GRIN2A: variants seen among roughly 807,000 people sequenced by gnomAD.
GRIN2A encodes glutamate ionotropic receptor NMDA type subunit 2A, also known as glutamate receptor ionotropic, NMDA 2A.
In GRIN2A, 22 loss-of-function variants were observed where a neutral mutation model predicts 113.4. The ratio of observed to expected loss-of-function variants is 0.19; its 90% CI spans 0.14 to 0.28. GRIN2A has a LOEUF of 0.28. Ranked by LOEUF, GRIN2A falls within the 10% of genes least tolerant of loss-of-function variation. The pLI is 1.00. For synonymous variants in GRIN2A, 827 were observed against 738.4 expected, an observed-to-expected ratio of 1.12 and a Z score of -1.94; for missense variants, 1,502 against 1,887.0, an observed-to-expected ratio of 0.80 and a Z score of 3.78.
At chr16:9,779,454 C>G (rs1321695096) in intron 11 of GRIN2A, among the ~76,000 whole-genome samples, 1 of 151,870 alleles carries the variant, frequency 6.6e-6, no homozygotes, top group Non-Finnish European at 1.5e-5. Flanking sequence ...GCTTAGTATA[C>G]ACAAGGAGCT....
At chr16:9,981,027 T>C (rs574162683) in intron 2 of GRIN2A, among the ~76,000 whole-genome samples, 211 of 147,114 alleles carry the variant, frequency 1.4e-3, no homozygotes, top group African/African-American at 4.0e-3. Context: ...TAAAATATTA[T>C]ATTAGGAAAA....
In GRIN2A at chr16:9,755,800, G is replaced by A. The variant is rs191366035; in HGVS notation, c.*7349C>T. The A allele has an allele frequency of 2.7e-3, 557 of 202,582 alleles. 4 individuals are homozygous for A. The highest frequency in any genetic ancestry group is 7.7e-3 in the South Asian group (40 of 5,202). The allele number at this position is 202,582 out of a possible 1,614,324, so 12.5% of individuals were successfully genotyped here. On this transcript the variant is annotated 3_prime_UTR_variant, in exon 13 of 13. Coordinates refer to ENST00000330684, the MANE Select transcript of GRIN2A (RefSeq NM_001134407.3). ...CACTCTTCAGTGGGACAGAATAACC[G>A]TCATTATCCTAATGCTAAGTGAGCC...
chr16:9,829,489 G>A lies in GRIN2A; in HGVS notation c.1941C>T (p.Ala647=). Residue 647 remains alanine (A), a synonymous_variant, in exon 9 of 13, where the codon GCC becomes GCT. Transcript: ENST00000330684. ...FAVIFLASYT[A]NLAAFMIQEE... ...CTTGGATCATGAAGGCAGCCAGATT[G>A]GCTGTGTAGCTAGCCAGGAATATGA... 6.2e-7 allele frequency: 1 copy of A among 1,614,016 alleles called. No individual in the cohort carries two copies. The highest frequency in any genetic ancestry group is 1.1e-5 in the South Asian group (1 of 91,080).
At chr16:10,028,643 G>T (rs1226056632) in intron 2 of GRIN2A, among the ~76,000 whole-genome samples, 1 of 152,164 alleles carries the variant, frequency 6.6e-6, no homozygotes, top group African/African-American at 2.4e-5. Flanking sequence ...GCTGACCCCA[G>T]GAATACCCAC....
Position 9,827,869 on chromosome 16 carries a change from C to T in GRIN2A, c.2007+1554G>A, listed in dbSNP as rs140045760. On this transcript the variant is annotated intron_variant, in intron 9 of 12. Coordinates refer to ENST00000330684, the MANE Select transcript of GRIN2A (RefSeq NM_001134407.3). The stretch of plus-strand genomic sequence containing the variant: ...CTATCAAAACTACATCCCTGAGGGC[C>T]TCTTCCCCCAGACAATTTTAGTCTC... Among the ~76,000 whole-genome samples, 377 of 152,334 alleles carry T rather than the reference C, an allele frequency of 2.5e-3. 2 individuals carry two copies. The highest frequency in any genetic ancestry group is 8.5e-3 in the African/African-American group (354 of 41,574).
intron 2 of GRIN2A, among the ~76,000 whole-genome samples, chr16:10,114,944 G>C (rs1191279789): frequency 6.6e-6 from 1 of 152,176 alleles, no homozygotes; most frequent in Non-Finnish European, 1.5e-5. Flanking sequence ...GTTTCTTCCT[G>C]AAAACATGGA....
intron 2 of GRIN2A, among the ~76,000 whole-genome samples, chr16:10,068,001 T>C (rs2047681638): frequency 6.6e-6 from 1 of 152,158 alleles, no homozygotes; most frequent in African/African-American, 2.4e-5. Flanking sequence ...TTAATTAAAC[T>C]CTCTAGGCTA....
intron 3 of GRIN2A, among the ~76,000 whole-genome samples, chr16:9,900,344 T>C (rs949715942): frequency 3.9e-5 from 6 of 152,186 alleles, no homozygotes; most frequent in Admixed American, 2.0e-4. Context: ...GAAGCTTCTA[T>C]GGTGCAAAGC....
intron 2 of GRIN2A, among the ~76,000 whole-genome samples, chr16:10,141,275 G>C (rs1368065142): frequency 1.3e-5 from 2 of 151,872 alleles, no homozygotes; most frequent in Admixed American, 6.6e-5. Context: ...CGGATCATGA[G>C]GTCAGGAGTT....
chr16:10,174,764 C>T (rs999586743), intron 2 of GRIN2A, among the ~76,000 whole-genome samples: 2 of 150,616 alleles, frequency 1.3e-5, no homozygotes, highest in African/African-American at 2.5e-5. Context: ...ATAGACCAGA[C>T]ACAAATGAAA....
chr16:10,149,352 T>C (rs2049516619), intron 2 of GRIN2A, among the ~76,000 whole-genome samples: 1 of 152,214 alleles, frequency 6.6e-6, no homozygotes, highest in Non-Finnish European at 1.5e-5. Flanking sequence ...TATATACACC[T>C]ACTATGTATG....
rs1308662958 is a variant in GRIN2A, at chr16:10,182,128, T to A, written c.-270A>T. The A allele has an allele frequency of 1.3e-5, 2 of 149,798 alleles. No individual in the cohort carries two copies. The highest frequency in any genetic ancestry group is 3.0e-5 in the Non-Finnish European group (2 of 67,512). The allele number at this position is 149,798 out of a possible 1,614,324, so 9.3% of individuals were successfully genotyped here. A position where few individuals can be genotyped will look rare whatever the true frequency, so the allele number is the denominator to read the frequency against. The stretch of plus-strand genomic sequence containing the variant: ...AGCCCACCAACGAGGGGAGGGAGGG[T>A]TGAGGGGAAGGCTGCAGTCTGCAGT... On this transcript the variant is annotated 5_prime_UTR_variant, in exon 1 of 13. Transcript: ENST00000330684.
chr16:10,014,626 TG>T (rs1366890475), intron 2 of GRIN2A, among the ~76,000 whole-genome samples: 9 of 152,132 alleles, frequency 5.9e-5, no homozygotes, highest in African/African-American at 2.2e-4. Context: ...TAAAGAAAGT[TG>T]GGTTCTGTGG....
intron 2 of GRIN2A, among the ~76,000 whole-genome samples, chr16:10,169,602 C>A (rs571110812): frequency 2.6e-5 from 4 of 152,224 alleles, no homozygotes; most frequent in African/African-American, 9.6e-5. Context: ...CATATTGTGA[C>A]TCAGATAAAC....
At chr16:10,100,871 C>T (rs72774197) in intron 2 of GRIN2A, among the ~76,000 whole-genome samples, 12,097 of 152,288 alleles carry the variant, frequency 0.079, 616 homozygotes, top group Non-Finnish European at 0.12. Context: ...CCATCACAGA[C>T]GTGCTGGCCA....
intron 11 of GRIN2A, among the ~76,000 whole-genome samples, chr16:9,791,560 G>A (rs575766734): frequency 6.6e-6 from 1 of 152,244 alleles, no homozygotes; most frequent in South Asian, 2.1e-4. Context: ...CCTGAGCTGT[G>A]GGACTGTCCA....
At chr16:10,015,932 A>G (rs1478225665) in intron 2 of GRIN2A, among the ~76,000 whole-genome samples, 1 of 152,056 alleles carries the variant, frequency 6.6e-6, no homozygotes. Context: ...CCTGGCCAAC[A>G]TGATAAAACC....
rs963139782 is a variant in GRIN2A at position 9,759,264 on chromosome 16, T to C, written c.*3885A>G. On this transcript the variant is annotated 3_prime_UTR_variant, in exon 13 of 13. Transcript: ENST00000330684. ...CTGCACTTTTTAGATTTAAAGGAGA[T>C]AAATTTTTAATCACCATTTAATTAA... is the stretch of plus-strand genomic sequence containing the variant. 8 of 220,476 alleles carry C rather than the reference T, an allele frequency of 3.6e-5. No individual in the cohort carries two copies. The highest frequency in any genetic ancestry group is 4.5e-5 in the Non-Finnish European group (5 of 110,184). The allele number at this position is 220,476 out of a possible 1,614,324, so 13.7% of individuals were successfully genotyped here. A position where few individuals can be genotyped will look rare whatever the true frequency, so the allele number is the denominator to read the frequency against.
At chr16:10,133,919 A>C (rs2049129391) in intron 2 of GRIN2A, among the ~76,000 whole-genome samples, 1 of 152,170 alleles carries the variant, frequency 6.6e-6, no homozygotes, top group Non-Finnish European at 1.5e-5. Context: ...GCAGTGGCTA[A>C]TCCCTGTAAT....
Sources: allele counts gnomAD v4.1 joint callset (sites outside exome capture counted in the v4.1 genomes callset), GRCh38; gene constraint gnomAD v4.1.1; transcripts MANE v1.5; gene names NCBI Gene and HGNC (gene_info 2026-07-23, HGNC 2026-07-21).